RGS11: variants seen among roughly 807,000 people sequenced by gnomAD.
RGS11 encodes regulator of G protein signaling 11, also known as regulator of G-protein signaling 11.
Under a neutral mutation model 71.1 loss-of-function variants are expected in RGS11, and 86 were observed. The observed-to-expected ratio is 1.21, with a 90% CI of 1.02 to 1.45. The LOEUF is 1.45. Ranked by LOEUF, RGS11 falls within the 40% of genes most tolerant of loss-of-function variation. The pLI is 0.00. For synonymous variants in RGS11, 298 were observed against 254.2 expected (o/e 1.17, Z -1.64); for missense variants, 734 against 635.1 (o/e 1.16, Z -1.67).
At chr16:270,463 G>T in intron 15 of RGS11, 60 bp downstream of exon 15, 2 of 1,520,282 alleles carry the variant, frequency 1.3e-6, no homozygotes, top group East Asian at 2.4e-5. Flanking sequence ...TTGAGGGTGG[G>T]GACATGGAGG....
At chr16:271,655 G>A in intron 9 of RGS11, 86 bp from the exon 10 acceptor site, 2 of 1,315,108 alleles carry the variant, frequency 1.5e-6, no homozygotes, top group Non-Finnish European at 2.2e-6. Flanking sequence ...TCCCCAGGCT[G>A]AGCCCCTGCC....
intron 4 of RGS11, chr16:274,667 T>G (rs2052084889): frequency 1.5e-6 from 1 of 662,926 alleles, no homozygotes. Flanking sequence ...AGCCCCTCCC[T>G]CAGGACCTGG....
rs74682437 is a variant in RGS11, at chr16:272,843, G to A, written c.657+20C>T. ...GGTGTGCAGGGTGAGAGGGCGGCCA[G>A]CACGCACGCAGGGGCTCACCATGAG... On this transcript the variant is annotated intron_variant, in intron 9 of 16. Transcript: ENST00000397770. The A allele has an allele frequency of 2.1e-3, 3,264 of 1,541,024 alleles. 30 individuals are homozygous for A. In the African/African-American group the frequency reaches 0.023, roughly 11 times the overall value.
chr16:270,479 C>A, intron 15 of RGS11, 44 bp downstream of exon 15: 1 of 1,557,996 alleles, frequency 6.4e-7, no homozygotes, highest in Non-Finnish European at 8.7e-7. Context: ...GGAGGCCCGT[C>A]TGGGATGACC....
intron 1 of RGS11, 82 bp from the exon 2 acceptor site, chr16:275,580 GGGAGCGC>G: frequency 4.9e-6 from 6 of 1,229,300 alleles, no homozygotes; most frequent in Non-Finnish European, 6.7e-6. Context: ...CCCCGGATCC[GGGAGCGC>G]GGAGATTAAC....
At chr16:274,319 G>T (rs1952506726) in intron 4 of RGS11, 54 bp from the exon 5 acceptor site, 3 of 1,560,858 alleles carry the variant, frequency 1.9e-6, no homozygotes, top group Admixed American at 3.7e-5. Flanking sequence ...TGCCTCCCCA[G>T]TGTCACCCCA....
chr16:268,547 C>A lies in RGS11; in HGVS notation c.*722G>T. The stretch of plus-strand genomic sequence containing the variant: ...AGACTTGGGCAGGGAGGATCAGGGA[C>A]GCCTGGCAAGGATCCACCCTATGGA... On this transcript the variant is annotated 3_prime_UTR_variant, in exon 17 of 17. Coordinates refer to ENST00000397770, the MANE Select transcript of RGS11 (RefSeq NM_183337.3). 1.7e-6 allele frequency: 1 copy of A among 582,786 alleles called. No homozygotes were observed. The highest frequency in any genetic ancestry group is 3.0e-5 in the Admixed American group (1 of 33,292). 36.1% of individuals were successfully genotyped at this position (582,786 alleles called of 1,614,324 possible).
At chr16:273,878 C>T (rs371131668) in intron 6 of RGS11, 42 bp from the exon 7 acceptor site, 2 of 1,579,570 alleles carry the variant, frequency 1.3e-6, no homozygotes, top group Non-Finnish European at 1.7e-6. Context: ...CCGGCCCCTG[C>T]CCCCAGTGAG....
At chr16:274,456 C>G (rs1476318931) in intron 4 of RGS11, 191 bp from the exon 5 acceptor site, 1 of 630,006 alleles carries the variant, frequency 1.6e-6, no homozygotes, top group South Asian at 1.9e-5. Context: ...GAGGTCAACT[C>G]GCTCCTTAGG....
At position 271,081 on chromosome 16, in the gene RGS11, C is replaced by A. The variant is rs9806961; in HGVS notation, c.882G>T (p.Lys294Asn). Residue 294 changes from lysine to asparagine, a missense_variant, in exon 13 of 17, where the codon AAG becomes AAT. Lys to Asn is a moderately conservative substitution (Grantham distance 94). Transcript: ENST00000397770. Reference sequence around the variant, plus strand: ...TGAAGCCCCATCTCTCCACACGGAGCTTCGTGGGGGCAGCCACCCTGGGGA... The same window carrying A: ...TGAAGCCCCATCTCTCCACACGGAGATTCGTGGGGGCAGCCACCCTGGGGA... ...MNAPTVAAPTKLRVERWGFSF... is the reference protein window; with the variant it reads ...MNAPTVAAPTNLRVERWGFSF... 7.3e-4 allele frequency: 1,184 copies of A among 1,612,190 alleles called. 4 individuals are homozygous for A. In the African/African-American group the frequency reaches 0.012, roughly 16 times the overall value.
Position 275,493 on chromosome 16 carries a change from C to G in RGS11, c.69G>C (p.Glu23Asp), listed in dbSNP as rs1193921727. 2.5e-6 allele frequency: 4 copies of G among 1,571,504 alleles called. No individual in the cohort carries two copies. In the African/African-American group the frequency reaches 5.4e-5, roughly 21 times the overall value. ...RAQMPHLRKM[E>D]RVVVSMQDPD... ...GGTCCTGCATGCTCACGACCACCCG[C>G]TCCATCTGGGCGGAGGGAGTCGTCA... Residue 23 changes from glutamate (E) to aspartate (D), a missense_variant, in exon 2 of 17, where the codon GAG becomes GAC. Glu to Asp is a conservative substitution (Grantham distance 45, BLOSUM62 2). Coordinates refer to ENST00000397770, the MANE Select transcript of RGS11 (RefSeq NM_183337.3).
In RGS11 at chr16:269,360, G is replaced by A. The variant is rs2051809078; in HGVS notation, c.1313C>T (p.Pro438Leu). ...KRRVFPFTWR[P>L]RHSSPSPALL... The stretch of plus-strand genomic sequence containing the variant: ...TGCAGGGCTGGGGCTCGAGTGCCGT[G>A]GCCTCCACGTAAACGGGAACACGCT... The change falls in exon 17 of 17, where the codon CCA (proline) becomes CTA (leucine). Residue 438 changes from proline to leucine, a missense_variant. Pro to Leu is a moderately conservative substitution (Grantham distance 98). Transcript: ENST00000397770. 3 of 1,603,580 alleles carry A rather than the reference G, an allele frequency of 1.9e-6. No homozygotes were observed. Among genetic ancestry groups the A allele is most frequent in the East Asian group, 2.2e-5 (1 of 44,532 alleles).
intron 9 of RGS11, 95 bp from the exon 10 acceptor site, chr16:271,664 C>A: frequency 1.6e-6 from 2 of 1,215,264 alleles, no homozygotes; most frequent in Non-Finnish European, 2.4e-6. Flanking sequence ...TGAGCCCCTG[C>A]CCCATAGATC....
At chr16:273,917 C>G in intron 6 of RGS11, 81 bp from the exon 7 acceptor site, 2 of 1,498,960 alleles carry the variant, frequency 1.3e-6, no homozygotes, top group South Asian at 2.3e-5. Context: ...GGGTTGGGGA[C>G]TGTCTTGGGT....
intron 1 of RGS11, 24 bp from the exon 2 acceptor site, chr16:275,522 G>T (rs571846732): frequency 1.3e-6 from 2 of 1,521,538 alleles, no homozygotes; most frequent in African/African-American, 1.4e-5. Flanking sequence ...GTCGTCAGGG[G>T]GTGTCTGGCC....
chr16:273,941 C>T, intron 6 of RGS11, 102 bp downstream of exon 6: 1 of 1,456,214 alleles, frequency 6.9e-7, no homozygotes, highest in Non-Finnish European at 9.6e-7. Flanking sequence ...GGGGCCTGGG[C>T]TGTATGTTCT....
Position 275,439 on chromosome 16 carries a change from C to G in RGS11, c.123G>C (p.Gln41His). 6.2e-7 allele frequency: 1 copy of G among 1,600,170 alleles called. No individual in the cohort carries two copies. Among genetic ancestry groups the G allele is most frequent in the Non-Finnish European group, 8.5e-7 (1 of 1,178,780 alleles). ...GGGGAATGACGGTGACCAGCAGGCGCTGGCTCCGCATCTTCACGCCCTGGT... is the reference window on the plus strand; with the variant it reads ...GGGGAATGACGGTGACCAGCAGGCGGTGGCTCCGCATCTTCACGCCCTGGT... Reference protein sequence around the residue: ...DPDQGVKMRSQRLLVTVIPHA... With the variant: ...DPDQGVKMRSHRLLVTVIPHA... Residue 41 changes from glutamine (Q) to histidine (H), a missense_variant, in exon 2 of 17, where the codon CAG becomes CAC. Coordinates refer to ENST00000397770, the MANE Select transcript of RGS11 (RefSeq NM_183337.3).
At position 268,926 on chromosome 16, in the gene RGS11, G is replaced by T. The variant is rs929390598; in HGVS notation, c.*343C>A. On this transcript the variant is annotated 3_prime_UTR_variant, in exon 17 of 17. Coordinates refer to ENST00000397770, the MANE Select transcript of RGS11 (RefSeq NM_183337.3). ...CGCTGGCTGATTTACTGGTTTTAGA[G>T]ATGGGGATGGGCACCCAGTGCTGGA... 6.4e-7 allele frequency: 1 copy of T among 1,550,558 alleles called. No homozygotes were observed. The highest frequency in any genetic ancestry group is 2.0e-5 in the Admixed American group (1 of 51,010).
chr16:269,031 C>A lies in RGS11; in HGVS notation c.*238G>T, dbSNP rs1013797592. On this transcript the variant is annotated 3_prime_UTR_variant, in exon 17 of 17. Transcript: ENST00000397770. ...GTAACAGGCTCTGCCCTGACCCAAGCTGAGCCAATGAACCCCCTCCCTGGG... is the reference window on the plus strand; with the variant it reads ...GTAACAGGCTCTGCCCTGACCCAAGATGAGCCAATGAACCCCCTCCCTGGG... 5.2e-5 allele frequency: 66 copies of A among 1,272,036 alleles called. No homozygotes were observed. Among genetic ancestry groups the A allele is most frequent in the Non-Finnish European group, 7.3e-5 (65 of 893,552 alleles). The allele number at this position is 1,272,036 out of a possible 1,614,324, so 78.8% of individuals were successfully genotyped here. A position where few individuals can be genotyped will look rare whatever the true frequency, so the allele number is the denominator to read the frequency against.
Sources: allele counts gnomAD v4.1 joint callset, GRCh38; gene constraint gnomAD v4.1.1; transcripts MANE v1.5; gene names NCBI Gene and HGNC (gene_info 2026-07-23, HGNC 2026-07-21).